Variants in CACNA1D observed in about 807,000 individuals in gnomAD.
CACNA1D encodes the protein calcium voltage-gated channel subunit alpha1 D, also known as voltage-dependent L-type calcium channel subunit alpha-1D.
CACNA1D carries 55 observed loss-of-function variants against 257.1 expected under a neutral mutation model. That is an observed-to-expected ratio of 0.21 (90% CI 0.17 to 0.27). The LOEUF is 0.27. CACNA1D is among the 10% of genes least tolerant of loss of function. The probability of loss-of-function intolerance (pLI) is 1.00; values close to 1 mark genes in which losing one functional copy is unlikely to be tolerated. For synonymous variants in CACNA1D, 980 were observed against 1,014.9 expected, an observed-to-expected ratio of 0.97 and a Z score of 0.65; for missense variants, 1,876 against 2,784.0, an observed-to-expected ratio of 0.67 and a Z score of 7.34.
chr3:53,605,526 T>G (rs55747966), intron 3 of CACNA1D, among the ~76,000 whole-genome samples: 5,492 of 152,296 alleles, frequency 0.036, 144 homozygotes, highest in Non-Finnish European at 0.054. Context: ...ATAAGGATAA[T>G]GAATTCTGAT....
chr3:53,707,249 C>T (rs867007399), intron 9 of CACNA1D, among the ~76,000 whole-genome samples: 1 of 152,006 alleles, frequency 6.6e-6, no homozygotes, highest in African/African-American at 2.4e-5. Flanking sequence ...TTCTTGATGC[C>T]ATACTCCACC....
At chr3:53,727,103 A>G (rs2094942800) in intron 15 of CACNA1D, 104 bp downstream of exon 15, 1 of 1,373,400 alleles carries the variant, frequency 7.3e-7, no homozygotes, top group Non-Finnish European at 1.0e-6. Flanking sequence ...TAGTTGTGGC[A>G]GGGAGGTAAA....
At position 53,614,197 on chromosome 3, in the gene CACNA1D, G is replaced by A. The variant is rs1381360276; in HGVS notation, c.484-36582G>A. Among the ~76,000 whole-genome samples the A allele has an allele frequency of 5.3e-5, 8 of 151,580 alleles. No homozygotes were observed. The East Asian group carries it at 5.8e-4, about 11-fold the overall frequency. On this transcript the variant is annotated intron_variant, in intron 3 of 47. Transcript: ENST00000350061. ...AGATAGAGCACTTGAGGAAGACATC[G>A]TCCCGGGGCTGAGATCCAGATCTTG...
intron 7 of CACNA1D, 100 bp downstream of exon 7, chr3:53,666,635 G>A: frequency 2.1e-6 from 2 of 961,758 alleles, no homozygotes; most frequent in Non-Finnish European, 3.4e-6. Context: ...AAGAAACCCT[G>A]AAGTCAGTTA....
intron 3 of CACNA1D, among the ~76,000 whole-genome samples, chr3:53,532,830 C>T (rs997948442): frequency 1.3e-5 from 2 of 152,168 alleles, no homozygotes; most frequent in African/African-American, 4.8e-5. Flanking sequence ...CCAGCCCCCG[C>T]TCTCCTTTTA....
At chr3:53,794,286 A>G (rs1405234016) in intron 40 of CACNA1D, among the ~76,000 whole-genome samples, 1 of 152,192 alleles carries the variant, frequency 6.6e-6, no homozygotes, top group Admixed American at 6.5e-5. Flanking sequence ...GATCTGTGCG[A>G]AGGAGCTGGC....
At chr3:53,790,231 T>A (rs1286803757) in intron 40 of CACNA1D, among the ~76,000 whole-genome samples, 1 of 152,214 alleles carries the variant, frequency 6.6e-6, no homozygotes, top group Non-Finnish European at 1.5e-5. Context: ...AACACAGCCA[T>A]GCAGCCATGA....
At chr3:53,738,881 A>G (rs1461129348) in intron 20 of CACNA1D, among the ~76,000 whole-genome samples, 2 of 151,656 alleles carry the variant, frequency 1.3e-5, no homozygotes, top group Non-Finnish European at 2.9e-5. Context: ...CTGGGCTACT[A>G]GATGCTTTCC....
chr3:53,582,829 G>C (rs1272896483), intron 3 of CACNA1D, among the ~76,000 whole-genome samples: 1 of 152,168 alleles, frequency 6.6e-6, no homozygotes, highest in Non-Finnish European at 1.5e-5. Context: ...GGACTCCTAA[G>C]AGCCTTCCAG....
chr3:53,657,805 GC>G (rs759140790), intron 4 of CACNA1D, among the ~76,000 whole-genome samples: 11 of 152,164 alleles, frequency 7.2e-5, no homozygotes, highest in Non-Finnish European at 1.2e-4. Flanking sequence ...GTGACCTATT[GC>G]TTTTGTCAAG....
chr3:53,620,960 A>C (rs2093690678), intron 3 of CACNA1D, among the ~76,000 whole-genome samples: 1 of 152,206 alleles, frequency 6.6e-6, no homozygotes, highest in Non-Finnish European at 1.5e-5. Context: ...ACACTGCCAG[A>C]GGAGCACTGA....
At chr3:53,651,131 C>T (rs1243965919) in intron 4 of CACNA1D, among the ~76,000 whole-genome samples, 1 of 152,040 alleles carries the variant, frequency 6.6e-6, no homozygotes, top group Non-Finnish European at 1.5e-5. Flanking sequence ...GTTGTTACTC[C>T]CGTTTTTAGT....
chr3:53,683,031 C>T (rs577872229), intron 8 of CACNA1D, among the ~76,000 whole-genome samples: 7 of 152,238 alleles, frequency 4.6e-5, no homozygotes, highest in African/African-American at 9.6e-5. Flanking sequence ...GAACGATGGT[C>T]TATTTGCTGA....
At chr3:53,687,380 TAAATACAATGTTTGA>T in intron 8 of CACNA1D, among the ~76,000 whole-genome samples, 1 of 152,228 alleles carries the variant, frequency 6.6e-6, no homozygotes, top group Non-Finnish European at 1.5e-5. Flanking sequence ...AAAGCTGTAA[TAAATACAATGTTTGA>T]CATAAAGATA....
chr3:53,586,025 C>G (rs538551383), intron 3 of CACNA1D, among the ~76,000 whole-genome samples: 1 of 152,148 alleles, frequency 6.6e-6, no homozygotes, highest in East Asian at 1.9e-4. Context: ...TTAAGTAGAT[C>G]CAAATATGGT....
At position 53,810,099 on chromosome 3, in the gene CACNA1D, C is replaced by G. The variant is rs141581705; in HGVS notation, c.5993C>G (p.Thr1998Ser). 6 of 1,613,692 alleles carry G rather than the reference C, an allele frequency of 3.7e-6. No individual in the cohort carries two copies. The highest frequency in any genetic ancestry group is 1.3e-5 in the African/African-American group (1 of 74,926). Residue 1998 changes from threonine (T) to serine (S), a missense_variant, in exon 47 of 48, where the codon ACC becomes AGC. By Grantham distance (58) the Thr-to-Ser change is moderately conservative. Around this residue, in one of 10 missense-constraint regions of CACNA1D, gnomAD observed 491 missense variants for 554.3 expected, o/e 0.89. Coordinates refer to ENST00000350061, the MANE Select transcript of CACNA1D (RefSeq NM_001128840.3). ...PPYRDWTPCYTPLIQVEQSEA... is the reference protein window; with the variant it reads ...PPYRDWTPCYSPLIQVEQSEA... ...TACCGGGACTGGACACCGTGCTACA[C>G]CCCCCTGATCCAAGTGGAGCAGTCA... is the stretch of plus-strand genomic sequence containing the variant.
intron 3 of CACNA1D, among the ~76,000 whole-genome samples, chr3:53,540,899 G>T (rs1165997113): frequency 6.6e-6 from 1 of 152,104 alleles, no homozygotes; most frequent in South Asian, 2.1e-4. Context: ...ACACCACCAT[G>T]CCTGGCTAAT....
chr3:53,718,601 C>CCCCCCCAAAAAAA, intron 10 of CACNA1D: 2 of 1,103,198 alleles, frequency 1.8e-6, no homozygotes, highest in Non-Finnish European at 2.7e-6. Flanking sequence ...CCCCCCGGCC[C>CCCCCCCAAAAAAA]AGCATTTCAC....
rs147635592 is a variant in CACNA1D at position 53,588,106 on chromosome 3, C to G, written c.484-62673C>G. ...GGGGTATTTCCTTGGTTGTAGAGAA[C>G]ACACACTTTTATGACTCCTTGTTAT... On this transcript the variant is annotated intron_variant, in intron 3 of 47. Coordinates refer to ENST00000350061, the MANE Select transcript of CACNA1D (RefSeq NM_001128840.3). 2.7e-3 allele frequency among the ~76,000 whole-genome samples: 404 copies of G among 152,266 alleles called. 6 individuals are homozygous for G. Among genetic ancestry groups the G allele is most frequent in the African/African-American group, 9.3e-3 (387 of 41,558 alleles).
Sources: allele counts gnomAD v4.1 joint callset (sites outside exome capture counted in the v4.1 genomes callset), GRCh38; gene constraint gnomAD v4.1.1; regional missense constraint gnomAD v4.1.1; transcripts MANE v1.5; gene names NCBI Gene and HGNC (gene_info 2026-07-23, HGNC 2026-07-21).